SF3B1: variants seen among roughly 807,000 people sequenced by gnomAD.
SF3B1 encodes splicing factor 3b subunit 1.
Under a neutral mutation model 153.8 loss-of-function variants are expected in SF3B1, and 12 were observed. That is an observed-to-expected ratio of 0.08 (90% confidence interval 0.05 to 0.13). SF3B1 has a LOEUF of 0.13. Among genes scored for constraint, SF3B1 ranks in the 10% least tolerant of loss-of-function variants. SF3B1 has a pLI of 1.00. For missense variants in SF3B1, 513 were observed against 1,606.1 expected (o/e 0.32, Z 11.63); for synonymous variants, 498 against 525.2 (o/e 0.95, Z 0.71).
At position 197,434,989 on chromosome 2, in the gene SF3B1, A is replaced by C; in HGVS notation, c.11T>G (p.Ile4Ser). ...CCGCTTACCTTCGTGAGTCTTGGCG[A>C]TCTTCGCCATTTTGTCCACTCGAAC... MAK[I>S]AKTHEDIEAQ... The change falls in exon 1 of 25, where the codon ATC becomes AGC. Residue 4 changes from isoleucine (I) to serine (S), a missense_variant. By Grantham distance (142) the Ile-to-Ser change is moderately radical. Around this residue, in one of 21 missense-constraint regions of SF3B1, gnomAD observed 27 missense variants for 26.7 expected, o/e 1.01. Coordinates refer to ENST00000335508, the MANE Select transcript of SF3B1 (RefSeq NM_012433.4). 1 of 1,614,278 alleles carries C rather than the reference A, an allele frequency of 6.2e-7. No homozygotes were observed.
At chr2:197,425,143 C>G (rs1444823053) in intron 1 of SF3B1, among the ~76,000 whole-genome samples, 1 of 151,410 alleles carries the variant, frequency 6.6e-6, no homozygotes, top group African/African-American at 2.4e-5. Context: ...GGGCAAAGAG[C>G]AAAACTCATC....
chr2:197,398,896 G>A (rs1394522044), intron 20 of SF3B1: 3 of 505,620 alleles, frequency 5.9e-6, no homozygotes, highest in African/African-American at 2.0e-5. Flanking sequence ...CTTATGTTCC[G>A]GCCATACACA....
chr2:197,433,599 T>C lies in SF3B1; in HGVS notation c.28+1373A>G, dbSNP rs144196671. Among the ~76,000 whole-genome samples the C allele has an allele frequency of 1.5e-3, 227 of 152,370 alleles. 1 individual carries two copies. The highest frequency in any genetic ancestry group is 5.0e-3 in the African/African-American group (207 of 41,598). On this transcript the variant is annotated intron_variant, in intron 1 of 24. Transcript: ENST00000335508. ...TAAATCCTAAATACCTAAAATGGTA[T>C]ACTAATATTAAAGTCATTGACAATT...
At chr2:197,410,501 A>ATTTTTTTTT (rs573287348) in intron 6 of SF3B1, among the ~76,000 whole-genome samples, 1 of 107,940 alleles carries the variant, frequency 9.3e-6, no homozygotes, top group Non-Finnish European at 1.8e-5. Flanking sequence ...CACCTATGTA[A>ATTTTTTTTT]TTTTTTTTTT....
At chr2:197,416,133 TAAA>T (rs200550226) in intron 6 of SF3B1, among the ~76,000 whole-genome samples, 1 of 139,590 alleles carries the variant, frequency 7.2e-6, no homozygotes, top group Non-Finnish European at 1.6e-5. Context: ...AACAAATGTT[TAAA>T]AAAAAAAAAA....
At chr2:197,428,189 T>G (rs2085365149) in intron 1 of SF3B1, among the ~76,000 whole-genome samples, 1 of 151,822 alleles carries the variant, frequency 6.6e-6, no homozygotes, top group Non-Finnish European at 1.5e-5. Context: ...TCACTACAGG[T>G]GCACACCTGT....
rs201743422 is a variant in SF3B1 at position 197,402,544 on chromosome 2, A to G, written c.2077+12T>C. On this transcript the variant is annotated intron_variant, in intron 14 of 24. Coordinates refer to ENST00000335508, the MANE Select transcript of SF3B1 (RefSeq NM_012433.4). The surrounding 1 kb of genome is among the most constrained non-coding windows in gnomAD (Gnocchi z 4.6). ...GAAAAAAAAAAAAAGACAAAGTTAC[A>G]TTACAACTTACCATGTTCAATGATT... The G allele has an allele frequency of 1.9e-6, 3 of 1,609,004 alleles. No individual in the cohort carries two copies. The highest frequency in any genetic ancestry group is 3.4e-5 in the Admixed American group (2 of 59,534).
chr2:197,431,626 C>T (rs77681532), intron 1 of SF3B1, among the ~76,000 whole-genome samples: 12 of 152,160 alleles, frequency 7.9e-5, no homozygotes, highest in African/African-American at 2.7e-4. Context: ...TCTCCTTCAG[C>T]CAGATATAAC....
chr2:197,398,900 A>G (rs1300009154), intron 20 of SF3B1: 1 of 511,086 alleles, frequency 2.0e-6, no homozygotes, highest in African/African-American at 2.0e-5. Context: ...TGTTCCGGCC[A>G]TACACAACAA....
chr2:197,416,832 G>A lies in SF3B1; in HGVS notation c.575C>T (p.Pro192Leu). 2 of 1,614,098 alleles carry A rather than the reference G, an allele frequency of 1.2e-6. No homozygotes were observed. Among genetic ancestry groups the A allele is most frequent in the Middle Eastern group, 1.6e-4 (1 of 6,062 alleles). Residue 192 changes from proline to leucine, a missense_variant, in exon 6 of 25, where the codon CCT becomes CTT. By Grantham distance (98) the Pro-to-Leu change is moderately conservative. Around this residue, in one of 21 missense-constraint regions of SF3B1, gnomAD observed 45 missense variants for 65.5 expected, o/e 0.69. Transcript: ENST00000335508. ...KVVNGAAASQ[P>L]PSKRKRRWDQ... Reference sequence around the variant, plus strand: ...CCAACGCCGTTTTCGTTTTGATGGAGGCTGGGACGCTGCTGCTCCATTGAC... The same window carrying A: ...CCAACGCCGTTTTCGTTTTGATGGAAGCTGGGACGCTGCTGCTCCATTGAC...
Position 197,392,333 on chromosome 2 carries a change from A to G in SF3B1, c.3885T>C (p.Tyr1295=), listed in dbSNP as rs1226271425. 1 of 1,315,678 alleles carries G rather than the reference A, an allele frequency of 7.6e-7. No individual in the cohort carries two copies. Among genetic ancestry groups the G allele is most frequent in the Admixed American group, 1.7e-5 (1 of 59,088 alleles). The allele number at this position is 1,315,678 out of a possible 1,614,324, so 81.5% of individuals were successfully genotyped here. A position where few individuals can be genotyped will look rare whatever the true frequency, so the allele number is the denominator to read the frequency against. ...AGATATAGTCAAGTTCATAACGAAT[A>G]TAGGTGTTCTTATCATCGTTGTAGA... ...PRIYNDDKNT[Y]IRYELDYIL is the part of the protein sequence containing the mutation. Residue 1295 remains tyrosine (Y), a synonymous_variant, in exon 25 of 25, where the codon TAT becomes TAC. Coordinates refer to ENST00000335508, the MANE Select transcript of SF3B1 (RefSeq NM_012433.4).
chr2:197,402,518 A>T lies in SF3B1; in HGVS notation c.2077+38T>A. The T allele has an allele frequency of 6.4e-7, 1 of 1,550,748 alleles. No individual in the cohort carries two copies. Among genetic ancestry groups the T allele is most frequent in the Non-Finnish European group, 8.8e-7 (1 of 1,134,398 alleles). On this transcript the variant is annotated intron_variant, in intron 14 of 24. Coordinates refer to ENST00000335508, the MANE Select transcript of SF3B1 (RefSeq NM_012433.4). The surrounding 1 kb of genome is among the most constrained non-coding windows in gnomAD (Gnocchi z 4.6). ...AACATAGTAAGACCCTGTCTCCTAA[A>T]GAAAAAAAAAAAAAGACAAAGTTAC...
intron 23 of SF3B1, chr2:197,393,440 A>C: frequency 2.1e-6 from 1 of 477,322 alleles, no homozygotes; most frequent in Non-Finnish European, 3.7e-6. Context: ...CAATTAAGCC[A>C]TATTTTCTAA....
chr2:197,405,278 T>C lies in SF3B1; in HGVS notation c.1434A>G (p.Leu478=). ...KPDDIQYFDK[L]LVDVDESTLS... Reference sequence around the variant, plus strand: ...TATTTCTGCTAGTATCACTTACCAATAGTTTATCAAAGTATTGAATATCAT... The same window carrying C: ...TATTTCTGCTAGTATCACTTACCAACAGTTTATCAAAGTATTGAATATCAT... The change falls in exon 10 of 25, where the codon CTA becomes CTG. Residue 478 remains leucine, a synonymous_variant. Coordinates refer to ENST00000335508, the MANE Select transcript of SF3B1 (RefSeq NM_012433.4). 6.2e-7 allele frequency: 1 copy of C among 1,609,088 alleles called. No homozygotes were observed. The highest frequency in any genetic ancestry group is 1.7e-5 in the Admixed American group (1 of 60,002).
intron 5 of SF3B1, among the ~76,000 whole-genome samples, chr2:197,417,575 T>TAAAA (rs56204414): frequency 1.8e-4 from 18 of 99,788 alleles, no homozygotes; most frequent in Non-Finnish European, 2.9e-4. Context: ...CCACCTCTAC[T>TAAAA]AAAAAAAAAA....
chr2:197,413,917 C>T (rs982674406), intron 6 of SF3B1, among the ~76,000 whole-genome samples: 9 of 152,114 alleles, frequency 5.9e-5, no homozygotes, highest in African/African-American at 1.4e-4. Context: ...AGTGATTCTC[C>T]TGCCTCAGCC....
At chr2:197,418,234 C>CAAAAAA (rs59644092) in intron 5 of SF3B1, among the ~76,000 whole-genome samples, 988 of 36,354 alleles carry the variant, frequency 0.027, 223 homozygotes, top group Non-Finnish European at 0.034. Flanking sequence ...AGACTGTGTC[C>CAAAAAA]AAAAAAAAAA....
rs933466150 is a variant in SF3B1, at chr2:197,391,453, G to A, written c.*850C>T. The A allele has an allele frequency of 2.0e-5, 3 of 152,210 alleles. No individual in the cohort carries two copies. Among genetic ancestry groups the A allele is most frequent in the African/African-American group, 7.2e-5 (3 of 41,456 alleles). The allele number at this position is 152,210 out of a possible 1,614,324, so 9.4% of individuals were successfully genotyped here. A position where few individuals can be genotyped will look rare whatever the true frequency, so the allele number is the denominator to read the frequency against. ...AGTGGGTGAATAGGTATTTACTGAT[G>A]CATTGCTGAGTAGTGGCTTATAACA... On this transcript the variant is annotated 3_prime_UTR_variant, in exon 25 of 25. Coordinates refer to ENST00000335508, the MANE Select transcript of SF3B1 (RefSeq NM_012433.4).
At chr2:197,422,887 A>C (rs1205274978) in intron 2 of SF3B1, among the ~76,000 whole-genome samples, 1 of 152,132 alleles carries the variant, frequency 6.6e-6, no homozygotes, top group Non-Finnish European at 1.5e-5. Context: ...GAGACGAAAA[A>C]AAAAAACCAG....
Sources: gnomAD v4.1 joint callset for allele counts (sites outside exome capture counted in the v4.1 genomes callset) on GRCh38, gnomAD v4.1.1 for gene constraint, gnomAD v4.1.1 regional missense constraint, Gnocchi (gnomAD v3.1) non-coding constraint, MANE v1.5 for transcripts, NCBI Gene and HGNC (gene_info 2026-07-23, HGNC 2026-07-21) for gene names.